The following HIBCH variants were observed in gnomAD, a reference collection of about 807,000 sequenced individuals.
The protein encoded by HIBCH is 3-hydroxyisobutyryl-CoA hydrolase, also known as 3-hydroxyisobutyryl-CoA hydrolase, mitochondrial.
In HIBCH, 50 loss-of-function variants were observed where a neutral mutation model predicts 58.2. The observed-to-expected ratio is 0.86, with a 90% CI of 0.68 to 1.09. The LOEUF (loss-of-function observed/expected upper bound fraction) is 1.09. HIBCH is among the 50% of genes least tolerant of loss of function. The pLI is 0.00. For synonymous variants in HIBCH, 151 were observed against 146.9 expected, an observed-to-expected ratio of 1.03 and a Z score of -0.20; for missense variants, 450 against 449.7, an observed-to-expected ratio of 1.00 and a Z score of -0.01.
At chr2:190,205,409 G>A (rs560994008) in intron 13 of HIBCH, among the ~76,000 whole-genome samples, 177 bp from the exon 14 acceptor site, 78 of 152,116 alleles carry the variant, frequency 5.1e-4, no homozygotes, top group Non-Finnish European at 9.1e-4. Flanking sequence ...GGGATGGACA[G>A]CAATATACTT....
In HIBCH at chr2:190,194,106, G is replaced by T. The variant is rs147435040; in HGVS notation, c.*18-4109C>A. Among the ~76,000 whole-genome samples the T allele has an allele frequency of 4.1e-3, 623 of 152,132 alleles. 1 individual carries two copies. The highest frequency in any genetic ancestry group is 6.8e-3 in the Non-Finnish European group (460 of 67,980). ...CTTTTCTAGATATTTTACTCTCTGG[G>T]GTGGTTAGAAATTGTACTGTGTAAT... On this transcript the variant is annotated intron_variant, in intron 1 of 1. Transcript: ENST00000399855.
At chr2:190,305,448 G>A (rs1262708231) in intron 2 of HIBCH, among the ~76,000 whole-genome samples, 3 of 152,064 alleles carry the variant, frequency 2.0e-5, no homozygotes, top group Admixed American at 1.3e-4. Context: ...CAATCTTCAC[G>A]TGACATTATC....
chr2:190,308,935 T>C (rs936720364), intron 2 of HIBCH, among the ~76,000 whole-genome samples: 3 of 152,188 alleles, frequency 2.0e-5, no homozygotes, highest in African/African-American at 7.2e-5. Context: ...TCATAATTAC[T>C]AGCTGTGTGA....
chr2:190,230,015 C>T (rs970787710), intron 11 of HIBCH, among the ~76,000 whole-genome samples: 3 of 152,258 alleles, frequency 2.0e-5, no homozygotes, highest in African/African-American at 4.8e-5. Context: ...CTCATATATG[C>T]CTGCTCACAA....
intron 5 of HIBCH, among the ~76,000 whole-genome samples, chr2:190,288,579 T>A (rs998431321): frequency 6.6e-6 from 1 of 151,554 alleles, no homozygotes; most frequent in African/African-American, 2.4e-5. Context: ...GATATAATCA[T>A]AATATTGGAT....
intron 6 of HIBCH, among the ~76,000 whole-genome samples, chr2:190,277,598 GTC>G (rs2105971549): frequency 1.3e-5 from 2 of 152,290 alleles, no homozygotes; most frequent in South Asian, 4.2e-4. Context: ...AACTGAGACT[GTC>G]TCTCTGCACT....
At chr2:190,250,485 A>C in intron 8 of HIBCH, 1 of 407,888 alleles carries the variant, frequency 2.5e-6, no homozygotes, top group South Asian at 2.0e-5. Context: ...AGCCCTGAGA[A>C]TGTCTGTCTA....
rs750641161 is a variant in HIBCH at position 190,261,240 on chromosome 2, G to A, written c.439-6C>T. 23 of 1,549,392 alleles carry A rather than the reference G, an allele frequency of 1.5e-5. No homozygotes were observed. The South Asian group carries it at 1.9e-4, about 13-fold the overall frequency. Reference sequence around the variant, plus strand: ...TGGACTGAGAGACCAACTCCCTAGAGAAAAAAGGCAAAAAAAGAGGCGGGG... The same window carrying A: ...TGGACTGAGAGACCAACTCCCTAGAAAAAAAAGGCAAAAAAAGAGGCGGGG... On this transcript the variant is annotated splice_region_variant and splice_polypyrimidine_tract_variant and intron_variant, in intron 6 of 13. Coordinates refer to ENST00000359678, the MANE Select transcript of HIBCH (RefSeq NM_014362.4).
intron 7 of HIBCH, among the ~76,000 whole-genome samples, chr2:190,260,774 G>C (rs1687065147): frequency 6.6e-6 from 1 of 151,912 alleles, no homozygotes; most frequent in Admixed American, 6.6e-5. Context: ...AATAAACTTT[G>C]ACTTATATAG....
At chr2:190,258,087 T>C (rs193033811) in intron 7 of HIBCH, among the ~76,000 whole-genome samples, 2 of 152,214 alleles carry the variant, frequency 1.3e-5, no homozygotes, top group East Asian at 1.9e-4. Flanking sequence ...TGGAAGGTGA[T>C]TGGGTCATGG....
At chr2:190,245,006 G>GTGAT in intron 10 of HIBCH, 38 bp from the exon 11 acceptor site, 1 of 1,226,462 alleles carries the variant, frequency 8.2e-7, no homozygotes, top group Non-Finnish European at 1.2e-6. Flanking sequence ...CAATGTGTAA[G>GTGAT]TGATTTCCTG....
At chr2:190,229,646 T>C (rs1215616262) in intron 11 of HIBCH, among the ~76,000 whole-genome samples, 1 of 152,202 alleles carries the variant, frequency 6.6e-6, no homozygotes, top group African/African-American at 2.4e-5. Context: ...CATATTATAG[T>C]ACAGAAATAA....
At chr2:190,221,966 C>T (rs975177105) in intron 11 of HIBCH, among the ~76,000 whole-genome samples, 10 of 152,196 alleles carry the variant, frequency 6.6e-5, no homozygotes, top group Admixed American at 3.9e-4. Context: ...GTTCATGAGA[C>T]CTCATTCCCC....
chr2:190,262,772 A>G (rs547871299), intron 6 of HIBCH, among the ~76,000 whole-genome samples: 49 of 152,330 alleles, frequency 3.2e-4, no homozygotes, highest in African/African-American at 1.1e-3. Context: ...TTGTTATCTT[A>G]TATTACATAG....
At chr2:190,223,216 C>T (rs964673342) in intron 11 of HIBCH, among the ~76,000 whole-genome samples, 5 of 152,084 alleles carry the variant, frequency 3.3e-5, no homozygotes, top group Admixed American at 3.3e-4. Context: ...ACATGTATAC[C>T]TATGTAATAA....
intron 1 of HIBCH, among the ~76,000 whole-genome samples, chr2:190,314,211 TCAAA>T (rs1341645118): frequency 2.0e-5 from 3 of 150,188 alleles, no homozygotes; most frequent in South Asian, 4.2e-4. Flanking sequence ...TGTAAACCTA[TCAAA>T]CAAAGCCACT....
intron 6 of HIBCH, among the ~76,000 whole-genome samples, chr2:190,285,822 C>T (rs1687814955): frequency 6.6e-6 from 1 of 152,082 alleles, no homozygotes. Context: ...GTTCTCTAAC[C>T]TACCTCTTCT....
chr2:190,208,081 C>A (rs1489445273), intron 13 of HIBCH, among the ~76,000 whole-genome samples: 1 of 152,112 alleles, frequency 6.6e-6, no homozygotes, highest in Non-Finnish European at 1.5e-5. Flanking sequence ...CTAGAAAAAA[C>A]AGTCAAGCAC....
intron 1 of HIBCH, among the ~76,000 whole-genome samples, chr2:190,317,873 G>T (rs210038): frequency 1 from 148,644 of 148,690 alleles, 74,299 homozygotes; most frequent in Middle Eastern, 1. Flanking sequence ...GCCCAGGCTG[G>T]AGTGCAGTGG....
Sources: allele counts gnomAD v4.1 joint callset (sites outside exome capture counted in the v4.1 genomes callset), GRCh38; gene constraint gnomAD v4.1.1; transcripts MANE v1.5; gene names NCBI Gene and HGNC (gene_info 2026-07-23, HGNC 2026-07-21).